The following NALCN variants were observed in gnomAD, a reference collection of about 807,000 sequenced individuals.
The protein encoded by NALCN is sodium leak channel, non-selective, also known as sodium leak channel NALCN.
Under a neutral mutation model 225.3 loss-of-function variants are expected in NALCN, and 111 were observed. The ratio of observed to expected loss-of-function variants is 0.49; its 90% CI spans 0.42 to 0.58. The LOEUF (loss-of-function observed/expected upper bound fraction) is 0.58, where lower values mean the gene tolerates loss of function less well. Among genes scored for constraint, NALCN ranks in the 20% least tolerant of loss-of-function variants. The probability of loss-of-function intolerance (pLI) is 0.00; values close to 1 mark genes in which losing one functional copy is unlikely to be tolerated. For missense variants in NALCN, 1,378 were observed against 2,202.4 expected, an observed-to-expected ratio of 0.63 and a Z score of 7.49; for synonymous variants, 764 against 769.0, an observed-to-expected ratio of 0.99 and a Z score of 0.11.
intron 13 of NALCN, among the ~76,000 whole-genome samples, chr13:101,212,692 A>G (rs1427711790): frequency 3.3e-5 from 5 of 152,168 alleles, no homozygotes; most frequent in African/African-American, 7.2e-5. Flanking sequence ...AGGCTATGAC[A>G]TTCAAAGAGG....
At chr13:101,384,941 T>C (rs901161203) in intron 3 of NALCN, among the ~76,000 whole-genome samples, 2 of 152,214 alleles carry the variant, frequency 1.3e-5, no homozygotes, top group African/African-American at 4.8e-5. Flanking sequence ...GGAAGGACTT[T>C]CTGCTTCAGT....
chr13:101,287,164 G>T (rs1487533734), intron 9 of NALCN, among the ~76,000 whole-genome samples: 1 of 152,110 alleles, frequency 6.6e-6, no homozygotes, highest in Non-Finnish European at 1.5e-5. Flanking sequence ...GACTTTCTTG[G>T]TCAGATAGTA....
chr13:101,369,419 A>G (rs1230373393), intron 6 of NALCN, among the ~76,000 whole-genome samples: 1 of 152,180 alleles, frequency 6.6e-6, no homozygotes, highest in African/African-American at 2.4e-5. Context: ...GGTACCAAAT[A>G]CAGCGTGGAA....
intron 13 of NALCN, among the ~76,000 whole-genome samples, chr13:101,222,549 C>T (rs1252123447): frequency 6.6e-6 from 1 of 152,032 alleles, no homozygotes; most frequent in African/African-American, 2.4e-5. Flanking sequence ...TCAAAAAACC[C>T]TCCTCTCCAA....
chr13:101,117,923 G>C (rs1189364210), intron 18 of NALCN, among the ~76,000 whole-genome samples: 1 of 152,146 alleles, frequency 6.6e-6, no homozygotes, highest in Admixed American at 6.5e-5. Flanking sequence ...CAGGGTTTGT[G>C]GGGAGGGAGG....
chr13:101,074,708 G>GAGAC, intron 35 of NALCN, 46 bp from the exon 36 acceptor site: 3 of 1,522,598 alleles, frequency 2.0e-6, no homozygotes, highest in Non-Finnish European at 2.6e-6. Context: ...GAGAGAGAGA[G>GAGAC]AGAGACAGAG....
chr13:101,344,756 A>T (rs1316677922), intron 7 of NALCN, among the ~76,000 whole-genome samples: 1 of 152,212 alleles, frequency 6.6e-6, no homozygotes, highest in Non-Finnish European at 1.5e-5. Context: ...ATGCACAAGC[A>T]TTTCCCATAC....
intron 15 of NALCN, among the ~76,000 whole-genome samples, chr13:101,154,786 T>C (rs773314775): frequency 1.8e-4 from 27 of 152,178 alleles, no homozygotes; most frequent in Non-Finnish European, 3.1e-4. Context: ...GCCTTTACAA[T>C]ATGGAATCAT....
At chr13:101,247,878 C>T (rs1750547805) in intron 11 of NALCN, among the ~76,000 whole-genome samples, 1 of 152,102 alleles carries the variant, frequency 6.6e-6, no homozygotes, top group Admixed American at 6.6e-5. Context: ...TCAGTGTTCT[C>T]ATTATCCAGC....
chr13:101,174,845 A>G (rs1362227825), intron 15 of NALCN, among the ~76,000 whole-genome samples: 2 of 152,230 alleles, frequency 1.3e-5, no homozygotes, highest in Non-Finnish European at 2.9e-5. Context: ...ACTGTCTCAG[A>G]GGATAGTACA....
intron 37 of NALCN, among the ~76,000 whole-genome samples, chr13:101,070,517 G>A (rs1377468800): frequency 6.6e-6 from 1 of 152,168 alleles, no homozygotes; most frequent in Admixed American, 6.5e-5. Context: ...AAGTTGAAAT[G>A]ACTTCTTGAT....
chr13:101,337,320 A>ATTTATTTTTTTT (rs1491585773), intron 7 of NALCN, among the ~76,000 whole-genome samples: 1 of 135,362 alleles, frequency 7.4e-6, no homozygotes, highest in African/African-American at 2.6e-5. Context: ...TTATTTATTT[A>ATTTATTTTTTTT]TTTTTTGAGA....
chr13:101,363,565 T>C (rs2046305881), intron 6 of NALCN, among the ~76,000 whole-genome samples: 2 of 152,012 alleles, frequency 1.3e-5, no homozygotes, highest in African/African-American at 4.8e-5. Context: ...CTACCTCTCA[T>C]CATATAAAAA....
At chr13:101,077,205 T>C (rs1327258285) in intron 34 of NALCN, among the ~76,000 whole-genome samples, 1 of 152,202 alleles carries the variant, frequency 6.6e-6, no homozygotes, top group Non-Finnish European at 1.5e-5. Flanking sequence ...TTAAACCTCG[T>C]TCCTTTATAA....
intron 7 of NALCN, among the ~76,000 whole-genome samples, chr13:101,318,522 G>A (rs1230211624): frequency 6.6e-6 from 1 of 152,196 alleles, no homozygotes; most frequent in Non-Finnish European, 1.5e-5. Flanking sequence ...ACTATGTGAA[G>A]AGACACCTAG....
rs180986762 is a variant in NALCN at position 101,126,828 on chromosome 13, G to A, written c.2119-2147C>T. Among the ~76,000 whole-genome samples, 468 of 152,258 alleles carry A rather than the reference G, an allele frequency of 3.1e-3. 1 individual carries two copies. The highest frequency in any genetic ancestry group is 5.4e-3 in the Non-Finnish European group (366 of 68,026). On this transcript the variant is annotated intron_variant, in intron 17 of 43. Coordinates refer to ENST00000251127, the MANE Select transcript of NALCN (RefSeq NM_052867.4). ...TTGACATGGATTTAACCTCTCTTGA[G>A]TTGACAGCTCAGCTCCTAAGGAAAG...
chr13:101,123,885 C>T lies in NALCN; in HGVS notation c.2192+723G>A, dbSNP rs190734521. ...GGAGCTAGAACTCCTTATCACTCACCGCAGGTTTGCAGGGGGCTTCCTGGC... is the reference window on the plus strand; with the variant it reads ...GGAGCTAGAACTCCTTATCACTCACTGCAGGTTTGCAGGGGGCTTCCTGGC... On this transcript the variant is annotated intron_variant, in intron 18 of 43. Coordinates refer to ENST00000251127, the MANE Select transcript of NALCN (RefSeq NM_052867.4). 1.8e-4 allele frequency among the ~76,000 whole-genome samples: 27 copies of T among 152,256 alleles called. No individual in the cohort carries two copies. The East Asian group carries it at 3.9e-3, about 22-fold the overall frequency.
intron 2 of NALCN, among the ~76,000 whole-genome samples, chr13:101,397,713 C>T (rs146655344): frequency 1.2e-4 from 18 of 151,442 alleles, no homozygotes; most frequent in South Asian, 2.1e-4. Context: ...AATATACACA[C>T]GACCTACAAT....
At chr13:101,407,007 A>G (rs2047643420) in intron 1 of NALCN, among the ~76,000 whole-genome samples, 1 of 152,188 alleles carries the variant, frequency 6.6e-6, no homozygotes, top group Non-Finnish European at 1.5e-5. Context: ...CCTATGATAC[A>G]TGGCTAAAAG....
Sources: allele counts gnomAD v4.1 joint callset (sites outside exome capture counted in the v4.1 genomes callset), GRCh38; gene constraint gnomAD v4.1.1; transcripts MANE v1.5; gene names NCBI Gene and HGNC (gene_info 2026-07-23, HGNC 2026-07-21).